The following ABLIM1 variants were observed in gnomAD, a reference collection of about 807,000 sequenced individuals.
ABLIM1 encodes actin-binding LIM protein 1.
A neutral mutation model predicts 107.0 loss-of-function variants in ABLIM1; 40 were observed. The ratio of observed to expected loss-of-function variants is 0.37; its 90% CI spans 0.29 to 0.49. The LOEUF is 0.49. Ranked by LOEUF, ABLIM1 falls within the 20% of genes least tolerant of loss-of-function variation. The pLI is 0.97. For synonymous variants in ABLIM1, 357 were observed against 357.3 expected (o/e 1.00, Z 0.01); for missense variants, 857 against 1,008.5 (o/e 0.85, Z 2.04).
chr10:114,774,680 G>A, the ABLIM1 span, among the ~76,000 whole-genome samples: 1 of 152,182 alleles, frequency 6.6e-6, no homozygotes, highest in Non-Finnish European at 1.5e-5. Context: ...AAGTAATCTA[G>A]TCCAAAGCCA....
chr10:114,527,985 GCA>G (rs2065032054), intron 6 of ABLIM1, among the ~76,000 whole-genome samples: 2 of 152,026 alleles, frequency 1.3e-5, no homozygotes, highest in Admixed American at 1.3e-4. Flanking sequence ...CTACAGGTAT[GCA>G]CCACCACACC....
chr10:114,766,091 C>G (rs527315544), intron 1 of ABLIM1, among the ~76,000 whole-genome samples: 1 of 152,118 alleles, frequency 6.6e-6, no homozygotes, highest in South Asian at 2.1e-4. Flanking sequence ...CAGGATCTGC[C>G]ATTTACCAAG....
intron 1 of ABLIM1, among the ~76,000 whole-genome samples, chr10:114,676,200 T>G (rs116468620): frequency 0.014 from 2,111 of 152,274 alleles, 62 homozygotes; most frequent in African/African-American, 0.048. Flanking sequence ...AAAATGTGAC[T>G]GGGCGCGATG....
At position 114,435,268 on chromosome 10, in the gene ABLIM1, T is replaced by A. The variant is rs1287125055; in HGVS notation, c.*992A>T. Reference sequence around the variant, plus strand: ...AAAACCAACAACAGCATGGGCTTGATCTGATTCATAGGATGCCAGAGAGAC... The same window carrying A: ...AAAACCAACAACAGCATGGGCTTGAACTGATTCATAGGATGCCAGAGAGAC... On this transcript the variant is annotated 3_prime_UTR_variant, in exon 23 of 23. Coordinates refer to ENST00000533213, the MANE Select transcript of ABLIM1 (RefSeq NM_002313.7). 2.6e-5 allele frequency: 4 copies of A among 152,356 alleles called. No homozygotes were observed. In the East Asian group the frequency reaches 7.7e-4, roughly 29 times the overall value. The allele number at this position is 152,356 out of a possible 1,614,324, so 9.4% of individuals were successfully genotyped here.
At chr10:114,505,344 G>C (rs1420798273) in intron 6 of ABLIM1, among the ~76,000 whole-genome samples, 1 of 152,138 alleles carries the variant, frequency 6.6e-6, no homozygotes, top group African/African-American at 2.4e-5. Flanking sequence ...TCTTGTGCAA[G>C]GGCAAAAACT....
chr10:114,615,146 T>G (rs923046865), intron 1 of ABLIM1, among the ~76,000 whole-genome samples: 1 of 152,162 alleles, frequency 6.6e-6, no homozygotes, highest in Non-Finnish European at 1.5e-5. Context: ...CCCTTTGCCA[T>G]GCAACAACCA....
intron 10 of ABLIM1, among the ~76,000 whole-genome samples, chr10:114,469,224 G>C (rs1042116164): frequency 2.0e-5 from 3 of 152,104 alleles, no homozygotes; most frequent in African/African-American, 7.2e-5. Context: ...CATGGTTGTT[G>C]ACTAAATTAC....
chr10:114,674,708 CTT>C (rs74409388), intron 1 of ABLIM1, among the ~76,000 whole-genome samples: 269 of 133,742 alleles, frequency 2.0e-3, no homozygotes, highest in African/African-American at 5.4e-3. Context: ...AATTGTTATT[CTT>C]TTTTTTTTTT....
chr10:114,458,226 G>A (rs1050439294), intron 12 of ABLIM1, among the ~76,000 whole-genome samples: 3 of 151,884 alleles, frequency 2.0e-5, no homozygotes, highest in African/African-American at 4.8e-5. Context: ...CTCATCTATT[G>A]TAGTGACAAG....
chr10:114,606,605 T>C (rs1257333511), intron 1 of ABLIM1, among the ~76,000 whole-genome samples: 1 of 152,066 alleles, frequency 6.6e-6, no homozygotes, highest in African/African-American at 2.4e-5. Flanking sequence ...ACATACACAT[T>C]CTCCCTCTCA....
At chr10:114,558,502 G>A (rs2069117945) in intron 4 of ABLIM1, among the ~76,000 whole-genome samples, 1 of 152,160 alleles carries the variant, frequency 6.6e-6, no homozygotes, top group African/African-American at 2.4e-5. Flanking sequence ...AATCAGGGCT[G>A]GACTCAATGG....
the ABLIM1 span, among the ~76,000 whole-genome samples, chr10:114,784,760 A>G: frequency 1.3e-5 from 2 of 151,448 alleles, no homozygotes; most frequent in African/African-American, 2.4e-5. Context: ...ACTCAGTGAG[A>G]TTAAGAGGTT....
chr10:114,707,989 G>A lies in ABLIM1; in HGVS notation c.-213+60072C>T, dbSNP rs1199901371. Among the ~76,000 whole-genome samples, 4 of 152,098 alleles carry A rather than the reference G, an allele frequency of 2.6e-5. No homozygotes were observed. Among genetic ancestry groups the A allele is most frequent in the East Asian group, 1.9e-4 (1 of 5,192 alleles). On this transcript the variant is annotated intron_variant, in intron 1 of 15. Transcript: ENST00000651092. This position sits in a 1 kb window ranked among gnomAD's most constrained non-coding sequence, Gnocchi z 4.1. Reference sequence around the variant, plus strand: ...TTTGTACTAAGCCTTTATGCTAACCGCTGTTTTTCAAAGCCTGTCCTGGTG... The same window carrying A: ...TTTGTACTAAGCCTTTATGCTAACCACTGTTTTTCAAAGCCTGTCCTGGTG...
chr10:114,547,675 C>A lies in ABLIM1; in HGVS notation c.775G>T (p.Val259Phe). 6.2e-7 allele frequency: 1 copy of A among 1,613,884 alleles called. No individual in the cohort carries two copies. Among genetic ancestry groups the A allele is most frequent in the Non-Finnish European group, 8.5e-7 (1 of 1,180,036 alleles). The change falls in exon 5 of 23, where the codon GTC (valine) becomes TTC (phenylalanine). Residue 259 changes from valine to phenylalanine, a missense_variant. Coordinates refer to ENST00000533213, the MANE Select transcript of ABLIM1 (RefSeq NM_002313.7). ...GCFKCKSCGK[V>F]LTGEYISKDG... ...TTGCTGATGTACTCCCCGGTGAGGACCTTCCCGCAGGACTTGCATTTAAAG... is the reference window on the plus strand; with the variant it reads ...TTGCTGATGTACTCCCCGGTGAGGAACTTCCCGCAGGACTTGCATTTAAAG...
upstream of ABLIM1, among the ~76,000 whole-genome samples, chr10:114,769,608 A>G (rs1044307699): frequency 1.3e-5 from 2 of 152,078 alleles, no homozygotes; most frequent in African/African-American, 2.4e-5. Flanking sequence ...GTTGTTTTCT[A>G]TGTTGGCACT....
At chr10:114,534,060 C>T (rs1229221430) in intron 6 of ABLIM1, among the ~76,000 whole-genome samples, 2 of 152,130 alleles carry the variant, frequency 1.3e-5, no homozygotes, top group Non-Finnish European at 2.9e-5. Flanking sequence ...TGAAAATTCC[C>T]GTGGAATTCA....
At chr10:114,604,005 T>C (rs1043205809) in intron 1 of ABLIM1, among the ~76,000 whole-genome samples, 1 of 152,060 alleles carries the variant, frequency 6.6e-6, no homozygotes, top group Non-Finnish European at 1.5e-5. Context: ...CTTAAGTCCT[T>C]GTGTTTTTTA....
chr10:114,783,419 T>C, the ABLIM1 span, among the ~76,000 whole-genome samples: 1 of 152,146 alleles, frequency 6.6e-6, no homozygotes, highest in Non-Finnish European at 1.5e-5. Context: ...TTAAATGAGT[T>C]GTTCCGTGTT....
rs1337841861 is a variant in ABLIM1 at position 114,720,542 on chromosome 10, A to G, written c.-213+47519T>C. On this transcript the variant is annotated intron_variant, in intron 1 of 15. Coordinates refer to the ABLIM1 transcript ENST00000651092. ...GCAGCCTCGCCAGCATCTGTTGGAG[A>G]AACATATTTTCACAGGACCCCTAGG... Among the ~76,000 whole-genome samples, 3 of 152,090 alleles carry G rather than the reference A, an allele frequency of 2.0e-5. No individual in the cohort carries two copies. The East Asian group carries it at 5.8e-4, about 29-fold the overall frequency.
Sources: gnomAD v4.1 joint callset for allele counts (sites outside exome capture counted in the v4.1 genomes callset) on GRCh38, gnomAD v4.1.1 for gene constraint, Gnocchi (gnomAD v3.1) non-coding constraint, MANE v1.5 for transcripts, NCBI Gene and HGNC (gene_info 2026-07-23, HGNC 2026-07-21) for gene names.